Variants in ZBTB20 observed in about 807,000 individuals in gnomAD.
ZBTB20 encodes zinc finger and BTB domain-containing protein 20.
Under a neutral mutation model 56.9 loss-of-function variants are expected in ZBTB20, and 9 were observed. The observed-to-expected ratio is 0.16, with a 90% CI of 0.10 to 0.28. ZBTB20 has a LOEUF of 0.28. Among genes scored for constraint, ZBTB20 ranks in the 10% least tolerant of loss-of-function variants. The pLI, the probability that ZBTB20 is intolerant of heterozygous loss-of-function variation, is 1.00. For missense variants in ZBTB20, 655 were observed against 1,003.0 expected, an observed-to-expected ratio of 0.65 and a Z score of 4.69; for synonymous variants, 417 against 420.7, an observed-to-expected ratio of 0.99 and a Z score of 0.11.
rs1022143568 is a variant in ZBTB20 at position 114,884,852 on chromosome 3, C to A, written c.-417+15452G>T. Among the ~76,000 whole-genome samples the A allele has an allele frequency of 1.3e-5, 2 of 152,034 alleles. 1 individual carries two copies. The highest frequency in any genetic ancestry group is 2.9e-5 in the Non-Finnish European group (2 of 68,008). ...TACTACTACTTGAAGAAGTGATTTGCGAAAGGGAGAAATGATGGCTCAAAA... is the reference window on the plus strand; with the variant it reads ...TACTACTACTTGAAGAAGTGATTTGAGAAAGGGAGAAATGATGGCTCAAAA... On this transcript the variant is annotated intron_variant, in intron 4 of 11. Transcript: ENST00000675478.
chr3:115,049,753 T>C (rs557686914), intron 2 of ZBTB20, among the ~76,000 whole-genome samples: 59 of 152,224 alleles, frequency 3.9e-4, no homozygotes, highest in African/African-American at 1.4e-3. Flanking sequence ...TGGGCCACAC[T>C]TCCAATTACT....
intron 6 of ZBTB20, among the ~76,000 whole-genome samples, chr3:114,539,192 A>G (rs781419833): frequency 1.6e-4 from 25 of 152,256 alleles, no homozygotes; most frequent in Non-Finnish European, 3.4e-4. Context: ...GGAAAGTCAC[A>G]ATTATTCTGC....
chr3:115,012,449 A>T (rs1353104805), intron 2 of ZBTB20, among the ~76,000 whole-genome samples: 1 of 151,776 alleles, frequency 6.6e-6, no homozygotes, highest in Non-Finnish European at 1.5e-5. Flanking sequence ...GATTCCAAGG[A>T]TGAAAACTAT....
intron 5 of ZBTB20, among the ~76,000 whole-genome samples, chr3:114,793,070 G>A (rs1051667106): frequency 6.6e-6 from 1 of 151,726 alleles, no homozygotes; most frequent in Non-Finnish European, 1.5e-5. Flanking sequence ...AGTAGAGACA[G>A]AGTTTCACCA....
intron 6 of ZBTB20, among the ~76,000 whole-genome samples, chr3:114,544,765 A>G (rs2049658707): frequency 6.6e-6 from 1 of 152,116 alleles, no homozygotes; most frequent in East Asian, 1.9e-4. Flanking sequence ...TTGGCCTCCC[A>G]AAGTGCTGGA....
At chr3:115,008,999 ATGTG>A (rs1395121767) in intron 2 of ZBTB20, among the ~76,000 whole-genome samples, 1 of 151,892 alleles carries the variant, frequency 6.6e-6, no homozygotes, top group Non-Finnish European at 1.5e-5. Flanking sequence ...GAAACTTAGT[ATGTG>A]TGTATGTAAG....
At chr3:114,937,716 C>G (rs986501415) in intron 3 of ZBTB20, among the ~76,000 whole-genome samples, 2 of 152,114 alleles carry the variant, frequency 1.3e-5, no homozygotes, top group Non-Finnish European at 2.9e-5. Flanking sequence ...CCACTGCGGC[C>G]AGCCGTAAAT....
intron 7 of ZBTB20, among the ~76,000 whole-genome samples, chr3:114,459,366 A>G (rs72950699): frequency 0.018 from 2,731 of 152,282 alleles, 78 homozygotes; most frequent in African/African-American, 0.057. Context: ...CCAGTGGTCA[A>G]GTCCCATGCT....
At chr3:114,834,747 C>T (rs1351480996) in intron 4 of ZBTB20, among the ~76,000 whole-genome samples, 1 of 152,032 alleles carries the variant, frequency 6.6e-6, no homozygotes, top group Non-Finnish European at 1.5e-5. Context: ...TAAACCCAGA[C>T]CCGCCCATGG....
At position 115,100,889 on chromosome 3, in the gene ZBTB20, T is replaced by C. The variant is rs2083561199; in HGVS notation, c.-702-29475A>G. Among the ~76,000 whole-genome samples, 5 of 152,276 alleles carry C rather than the reference T, an allele frequency of 3.3e-5. No homozygotes were observed. The South Asian group carries it at 1.0e-3, about 32-fold the overall frequency. ...AAAGGAGGCTCTGTAAGAAACAGAC[T>C]CCATACAATAGGAAAACTGATCTCA... On this transcript the variant is annotated intron_variant, in intron 1 of 11. Transcript: ENST00000675478.
intron 7 of ZBTB20, among the ~76,000 whole-genome samples, chr3:114,499,014 A>G (rs2043626127): frequency 6.6e-6 from 1 of 152,176 alleles, no homozygotes; most frequent in Non-Finnish European, 1.5e-5. Context: ...ACACAAAAGA[A>G]CTGTAACAAA....
chr3:114,889,745 A>C (rs552308771), intron 4 of ZBTB20, among the ~76,000 whole-genome samples: 1 of 152,242 alleles, frequency 6.6e-6, no homozygotes, highest in South Asian at 2.1e-4. Flanking sequence ...AGCCATGACT[A>C]GGTTATAGGG....
chr3:114,539,981 TG>T lies in ZBTB20; in HGVS notation c.-294-39591del, dbSNP rs547621366. On this transcript the variant is annotated intron_variant, in intron 6 of 11. Coordinates refer to ENST00000675478, the MANE Select transcript of ZBTB20 (RefSeq NM_001348800.3). ...TTGTTATATAGGTAAACTTGTGTCATGGGGGTTGTACAGATTATTTTATCAA... is the reference window on the plus strand; with the variant it reads ...TTGTTATATAGGTAAACTTGTGTCATGGGGTTGTACAGATTATTTTATCAA... 4.6e-5 allele frequency among the ~76,000 whole-genome samples: 7 copies of T among 151,698 alleles called. No individual in the cohort carries two copies. In the South Asian group the frequency reaches 1.5e-3, roughly 32 times the overall value.
chr3:114,799,892 A>C (rs2071592191), intron 5 of ZBTB20, among the ~76,000 whole-genome samples: 1 of 151,962 alleles, frequency 6.6e-6, no homozygotes, highest in South Asian at 2.1e-4. Flanking sequence ...GCAGAGACAT[A>C]TAAGCAACTC....
chr3:114,628,610 A>G (rs2058768681), intron 6 of ZBTB20, among the ~76,000 whole-genome samples: 2 of 152,166 alleles, frequency 1.3e-5, no homozygotes, highest in Non-Finnish European at 2.9e-5. Context: ...AGCAGGATTT[A>G]GGATGGCATA....
intron 7 of ZBTB20, among the ~76,000 whole-genome samples, chr3:114,428,624 T>C (rs1337431744): frequency 6.6e-6 from 1 of 152,232 alleles, no homozygotes; most frequent in Non-Finnish European, 1.5e-5. Flanking sequence ...CCTATCTCAA[T>C]GGTTGTCCTG....
chr3:114,409,550 C>G (rs909510858), intron 7 of ZBTB20, among the ~76,000 whole-genome samples: 1 of 151,896 alleles, frequency 6.6e-6, no homozygotes, highest in African/African-American at 2.4e-5. Flanking sequence ...AAACACTCCA[C>G]GAAGGCCACA....
chr3:114,817,146 ATCTC>A (rs1329096287), intron 4 of ZBTB20, among the ~76,000 whole-genome samples: 9 of 151,776 alleles, frequency 5.9e-5, no homozygotes, highest in African/African-American at 2.2e-4. Context: ...GTGTGTATAA[ATCTC>A]TCTCTATATT....
intron 7 of ZBTB20, among the ~76,000 whole-genome samples, chr3:114,452,591 G>C (rs987878787): frequency 6.6e-6 from 1 of 152,058 alleles, no homozygotes; most frequent in African/African-American, 2.4e-5. Flanking sequence ...CAGCCAGGAG[G>C]GTTTTTTGAT....
Sources: allele counts gnomAD v4.1 joint callset (sites outside exome capture counted in the v4.1 genomes callset), GRCh38; gene constraint gnomAD v4.1.1; transcripts MANE v1.5; gene names NCBI Gene and HGNC (gene_info 2026-07-23, HGNC 2026-07-21).